The following L3MBTL4 variants were observed in gnomAD, a reference collection of about 807,000 sequenced individuals.
L3MBTL4 encodes lethal(3)malignant brain tumor-like protein 4.
L3MBTL4 carries 70 observed loss-of-function variants against 84.5 expected under a neutral mutation model. The observed-to-expected ratio is 0.83, with a 90% CI of 0.68 to 1.01. The LOEUF is 1.01. Among genes scored for constraint, L3MBTL4 ranks in the 50% least tolerant of loss-of-function variants. L3MBTL4 has a pLI of 0.00. For missense variants in L3MBTL4, 715 were observed against 754.8 expected, an observed-to-expected ratio of 0.95 and a Z score of 0.62; for synonymous variants, 274 against 259.8, an observed-to-expected ratio of 1.05 and a Z score of -0.52.
At chr18:5,995,751 A>C (rs1372305837) in intron 16 of L3MBTL4, among the ~76,000 whole-genome samples, 2 of 152,188 alleles carry the variant, frequency 1.3e-5, no homozygotes, top group Non-Finnish European at 2.9e-5. Flanking sequence ...TGTTACCCTA[A>C]GAGCATGGCT....
At chr18:6,217,394 T>A (rs2046370725) in intron 10 of L3MBTL4, among the ~76,000 whole-genome samples, 1 of 152,206 alleles carries the variant, frequency 6.6e-6, no homozygotes, top group East Asian at 1.9e-4. Flanking sequence ...TGTGCTCCTT[T>A]GTGGTGAACA....
intron 1 of L3MBTL4, among the ~76,000 whole-genome samples, chr18:6,375,989 T>C (rs879821800): frequency 3.3e-5 from 5 of 152,180 alleles, no homozygotes; most frequent in Admixed American, 2.6e-4. Flanking sequence ...ATCCCTGCCC[T>C]GCTCAAGTTG....
chr18:6,167,264 A>C (rs2043719291), intron 13 of L3MBTL4, among the ~76,000 whole-genome samples: 1 of 152,268 alleles, frequency 6.6e-6, no homozygotes, highest in Admixed American at 6.5e-5. Context: ...AGGAGCTGGT[A>C]GCATTCTTCC....
intron 16 of L3MBTL4, among the ~76,000 whole-genome samples, chr18:6,018,245 AGT>A (rs1414920571): frequency 6.6e-6 from 1 of 152,190 alleles, no homozygotes; most frequent in Non-Finnish European, 1.5e-5. Flanking sequence ...CCCCAAGGAC[AGT>A]GACTCCCAAC....
chr18:6,037,836 A>T (rs920772529), intron 16 of L3MBTL4, among the ~76,000 whole-genome samples: 5 of 152,256 alleles, frequency 3.3e-5, no homozygotes, highest in African/African-American at 1.2e-4. Context: ...GAGAGGCTTA[A>T]TAATAAATAT....
At chr18:6,367,073 G>C (rs2053967724) in intron 1 of L3MBTL4, among the ~76,000 whole-genome samples, 3 of 152,208 alleles carry the variant, frequency 2.0e-5, no homozygotes, top group African/African-American at 7.2e-5. Context: ...CCCCCAGCAG[G>C]AGCTAAGAGG....
chr18:6,307,568 A>T (rs775271343), intron 3 of L3MBTL4, among the ~76,000 whole-genome samples: 1 of 152,156 alleles, frequency 6.6e-6, no homozygotes, highest in Non-Finnish European at 1.5e-5. Flanking sequence ...TCAAGGTCAG[A>T]CTCAAGCTCC....
intron 14 of L3MBTL4, among the ~76,000 whole-genome samples, chr18:6,133,936 C>T (rs1473575408): frequency 6.6e-6 from 1 of 152,144 alleles, no homozygotes; most frequent in Admixed American, 6.5e-5. Flanking sequence ...CAAATGAGCA[C>T]GTACACAATC....
intron 16 of L3MBTL4, among the ~76,000 whole-genome samples, chr18:6,044,789 C>T (rs1231538680): frequency 6.6e-6 from 1 of 152,116 alleles, no homozygotes; most frequent in Non-Finnish European, 1.5e-5. Context: ...TGTCTTCTTC[C>T]CATCCTTAAG....
At chr18:6,030,552 T>C (rs1307921747) in intron 16 of L3MBTL4, 1 of 837,280 alleles carries the variant, frequency 1.2e-6, no homozygotes, top group Non-Finnish European at 1.4e-6. Context: ...AGGCTGGTGA[T>C]GTACAGTGGC....
intron 1 of L3MBTL4, among the ~76,000 whole-genome samples, chr18:6,343,579 G>A (rs756976855): frequency 1.9e-4 from 28 of 150,576 alleles, no homozygotes; most frequent in Non-Finnish European, 1.3e-4. Flanking sequence ...GGAGAATGGC[G>A]TGAACCCAAG....
chr18:6,154,657 AC>A (rs1338513725), intron 13 of L3MBTL4, among the ~76,000 whole-genome samples: 2 of 152,206 alleles, frequency 1.3e-5, no homozygotes, highest in Non-Finnish European at 2.9e-5. Flanking sequence ...CTAATGCTCA[AC>A]AACGCCAACT....
At chr18:6,114,144 C>T (rs1294540631) in intron 14 of L3MBTL4, among the ~76,000 whole-genome samples, 2 of 152,200 alleles carry the variant, frequency 1.3e-5, no homozygotes, top group African/African-American at 2.4e-5. Context: ...ATTCAGATGA[C>T]AGTGAGTAAA....
chr18:6,018,848 A>C (rs2055119159), intron 16 of L3MBTL4, among the ~76,000 whole-genome samples: 1 of 152,228 alleles, frequency 6.6e-6, no homozygotes, highest in Non-Finnish European at 1.5e-5. Context: ...CAAGGATTCC[A>C]GCAAAGATGC....
chr18:6,143,795 T>G (rs749789272), intron 13 of L3MBTL4, among the ~76,000 whole-genome samples: 1 of 152,184 alleles, frequency 6.6e-6, no homozygotes. Context: ...ACATTTACCT[T>G]ATCTAACTTG....
intron 14 of L3MBTL4, among the ~76,000 whole-genome samples, chr18:6,112,025 G>T (rs2059212640): frequency 6.6e-6 from 1 of 152,044 alleles, no homozygotes; most frequent in Non-Finnish European, 1.5e-5. Context: ...CTGCTTCTAT[G>T]AGTTCAGCGT....
intron 14 of L3MBTL4, among the ~76,000 whole-genome samples, chr18:6,127,002 T>G (rs1247673349): frequency 6.6e-6 from 1 of 152,216 alleles, no homozygotes; most frequent in Non-Finnish European, 1.5e-5. Flanking sequence ...ACTGAGGTGC[T>G]TTCCTGGCAT....
chr18:6,413,427 G>GA (rs1008094939), intron 1 of L3MBTL4, among the ~76,000 whole-genome samples: 1 of 151,764 alleles, frequency 6.6e-6, no homozygotes, highest in Non-Finnish European at 1.5e-5. Context: ...GATACTCCAA[G>GA]AAAAAAACCT....
intron 1 of L3MBTL4, among the ~76,000 whole-genome samples, chr18:6,382,048 C>T (rs572890897): frequency 6.6e-6 from 1 of 152,270 alleles, no homozygotes; most frequent in African/African-American, 2.4e-5. Flanking sequence ...TCTTTTCTCT[C>T]TAATCTTGTC....
Sources: gnomAD v4.1 joint callset for allele counts (sites outside exome capture counted in the v4.1 genomes callset) on GRCh38, gnomAD v4.1.1 for gene constraint, MANE v1.5 for transcripts, NCBI Gene and HGNC (gene_info 2026-07-23, HGNC 2026-07-21) for gene names.